CR1L: variants seen among roughly 807,000 people sequenced by gnomAD.
CR1L encodes the protein complement component receptor 1-like protein.
In CR1L, 59 loss-of-function variants were observed where a neutral mutation model predicts 62.3. That is an observed-to-expected ratio of 0.95 (90% CI 0.77 to 1.18). CR1L has a LOEUF of 1.18. Ranked by LOEUF, CR1L falls within the 50% of genes most tolerant of loss-of-function variation. CR1L has a pLI of 0.00. For synonymous variants in CR1L, 279 were observed against 248.7 expected (o/e 1.12, Z -1.15); for missense variants, 700 against 702.8 (o/e 1.00, Z 0.04).
intron 10 of CR1L, among the ~76,000 whole-genome samples, chr1:207,715,720 CT>C: frequency 6.8e-6 from 1 of 147,478 alleles, no homozygotes; most frequent in Admixed American, 6.7e-5. Flanking sequence ...TTTTTTTTTT[CT>C]TTTTTGAGAC....
intron 10 of CR1L, among the ~76,000 whole-genome samples, chr1:207,708,627 C>T (rs1428146537): frequency 6.6e-6 from 1 of 152,230 alleles, no homozygotes; most frequent in Admixed American, 6.5e-5. Flanking sequence ...GTTAGTATCA[C>T]ATCAGATATT....
At chr1:207,691,442 G>C (rs1571522697) in intron 4 of CR1L, among the ~76,000 whole-genome samples, 1 of 151,478 alleles carries the variant, frequency 6.6e-6, no homozygotes, top group Non-Finnish European at 1.5e-5. Flanking sequence ...GTCTTTCTTT[G>C]TTGTTCATTA....
At chr1:207,696,219 C>T (rs1054249548) in intron 5 of CR1L, among the ~76,000 whole-genome samples, 2 of 152,206 alleles carry the variant, frequency 1.3e-5, no homozygotes, top group African/African-American at 4.8e-5. Flanking sequence ...CCACAGCTGC[C>T]AGAATGCAGC....
At chr1:207,677,214 CA>C (rs1663706001) in intron 1 of CR1L, among the ~76,000 whole-genome samples, 174 bp from the exon 2 acceptor site, 1 of 139,814 alleles carries the variant, frequency 7.2e-6, no homozygotes, top group Non-Finnish European at 1.5e-5. Flanking sequence ...CCCATCTACT[CA>C]GGAGGCTGAG....
At chr1:207,692,705 G>C (rs557260529) in intron 4 of CR1L, among the ~76,000 whole-genome samples, 1 of 151,364 alleles carries the variant, frequency 6.6e-6, no homozygotes, top group Non-Finnish European at 1.5e-5. Flanking sequence ...GGCATTGGCC[G>C]ATGGATCCCC....
At chr1:207,690,718 T>C (rs140280994) in intron 4 of CR1L, among the ~76,000 whole-genome samples, 1 of 152,180 alleles carries the variant, frequency 6.6e-6, no homozygotes, top group African/African-American at 2.4e-5. Flanking sequence ...AAGATGTCAA[T>C]AGGATTGGTT....
At chr1:207,656,745 C>T (rs141427184) in intron 1 of CR1L, among the ~76,000 whole-genome samples, 1 of 152,172 alleles carries the variant, frequency 6.6e-6, no homozygotes, top group Non-Finnish European at 1.5e-5. Context: ...CTCAGTATCA[C>T]GAGAACAGCA....
chr1:207,693,415 G>T (rs1467459559), intron 4 of CR1L, among the ~76,000 whole-genome samples: 2 of 152,190 alleles, frequency 1.3e-5, no homozygotes, highest in Non-Finnish European at 2.9e-5. Context: ...ACCACGCCAG[G>T]CCTGTATAGC....
intron 1 of CR1L, chr1:207,657,539 T>C: frequency 3.2e-6 from 1 of 309,720 alleles, no homozygotes. Flanking sequence ...TCATACAGTG[T>C]GAACTACTGT....
chr1:207,649,679 C>T (rs1409227293), intron 1 of CR1L, among the ~76,000 whole-genome samples: 1 of 152,134 alleles, frequency 6.6e-6, no homozygotes, highest in Non-Finnish European at 1.5e-5. Context: ...GTCTGCCAAC[C>T]TAACTGGAAT....
At chr1:207,651,546 G>C (rs752579004) in intron 1 of CR1L, among the ~76,000 whole-genome samples, 4 of 152,000 alleles carry the variant, frequency 2.6e-5, no homozygotes, top group Non-Finnish European at 5.9e-5. Flanking sequence ...TATAGAAGAG[G>C]CCTTTGCATT....
intron 1 of CR1L, among the ~76,000 whole-genome samples, chr1:207,650,690 A>G (rs1354915156): frequency 6.6e-6 from 1 of 152,164 alleles, no homozygotes; most frequent in Non-Finnish European, 1.5e-5. Context: ...TGGTAATACT[A>G]ATCTGGGCAG....
At position 207,695,929 on chromosome 1, in the gene CR1L, C is replaced by T. The variant is rs143599959; in HGVS notation, c.862+1178C>T. ...ACCCCCATGATCCAGTCACTTCCCA[C>T]TAGGCTCCTCCTCCAACACTGGGAA... On this transcript the variant is annotated intron_variant, in intron 5 of 11. Coordinates refer to ENST00000508064, the MANE Select transcript of CR1L (RefSeq NM_175710.2). 4.3e-3 allele frequency among the ~76,000 whole-genome samples: 648 copies of T among 152,340 alleles called. 5 individuals carry two copies. Among genetic ancestry groups the T allele is most frequent in the African/African-American group, 0.015 (616 of 41,580 alleles).
chr1:207,674,060 T>TA (rs1390871773), intron 1 of CR1L, among the ~76,000 whole-genome samples: 1 of 152,210 alleles, frequency 6.6e-6, no homozygotes, highest in Non-Finnish European at 1.5e-5. Context: ...CTAAAACATT[T>TA]AAAACAATCG....
At chr1:207,693,847 T>C (rs1664030837) in intron 4 of CR1L, among the ~76,000 whole-genome samples, 1 of 152,308 alleles carries the variant, frequency 6.6e-6, no homozygotes, top group South Asian at 2.1e-4. Context: ...ATTTATATCA[T>C]TTAGATTTTC....
At chr1:207,657,221 G>C in intron 1 of CR1L, 2 of 1,420,018 alleles carry the variant, frequency 1.4e-6, no homozygotes. Context: ...TGATAGTTGT[G>C]ATCCTGCACC....
At chr1:207,698,861 G>A (rs951590692) in intron 7 of CR1L, among the ~76,000 whole-genome samples, 7 of 152,180 alleles carry the variant, frequency 4.6e-5, no homozygotes, top group Non-Finnish European at 1.5e-5. Context: ...CGAAGGCATT[G>A]CATTAGAAGA....
At chr1:207,666,444 A>G (rs1663524920) in intron 1 of CR1L, among the ~76,000 whole-genome samples, 1 of 152,248 alleles carries the variant, frequency 6.6e-6, no homozygotes, top group South Asian at 2.1e-4. Context: ...AAGACATGGA[A>G]TCAATTTCAA....
At chr1:207,709,009 G>T in intron 10 of CR1L, 1 of 316,120 alleles carries the variant, frequency 3.2e-6, no homozygotes, top group Non-Finnish European at 6.2e-6. Context: ...TATTACTTCT[G>T]AATCTGTAAG....
Sources: gnomAD v4.1 joint callset for allele counts (sites outside exome capture counted in the v4.1 genomes callset) on GRCh38, gnomAD v4.1.1 for gene constraint, MANE v1.5 for transcripts, NCBI Gene and HGNC (gene_info 2026-07-23, HGNC 2026-07-21) for gene names.